The following CPD variants were observed in gnomAD, a reference collection of about 807,000 sequenced individuals.
CPD encodes the protein metallocarboxypeptidase D.
Under a neutral mutation model 138.3 loss-of-function variants are expected in CPD, and 69 were observed. The observed-to-expected ratio is 0.50, with a 90% confidence interval of 0.41 to 0.61. CPD has a LOEUF of 0.61. CPD is among the 20% of genes least tolerant of loss of function. CPD has a pLI of 0.00. For missense variants in CPD, 1,432 were observed against 1,733.3 expected, an observed-to-expected ratio of 0.83 and a Z score of 3.09; for synonymous variants, 651 against 642.1, an observed-to-expected ratio of 1.01 and a Z score of -0.21.
intron 7 of CPD, among the ~76,000 whole-genome samples, chr17:30,430,550 T>A (rs982342449): frequency 1.3e-5 from 2 of 152,240 alleles, no homozygotes; most frequent in African/African-American, 4.8e-5. Context: ...TCCATTTACG[T>A]ACTGATGGAC....
intron 2 of CPD, 149 bp from the exon 3 acceptor site, chr17:30,420,692 T>C: frequency 1.7e-6 from 1 of 600,364 alleles, no homozygotes; most frequent in Non-Finnish European, 2.8e-6. Context: ...GCCTCCACTA[T>C]AGTTCAGATG....
chr17:30,385,541 A>C (rs547842633), intron 2 of CPD, among the ~76,000 whole-genome samples: 1 of 149,958 alleles, frequency 6.7e-6, no homozygotes, highest in East Asian at 2.0e-4. Context: ...CAATCACACA[A>C]TTTTTTTGCC....
chr17:30,378,975 TG>T lies in CPD; in HGVS notation c.-4del, dbSNP rs1910961620. 1 of 1,519,754 alleles carries T rather than the reference TG, an allele frequency of 6.6e-7. No individual in the cohort carries two copies. The highest frequency in any genetic ancestry group is 2.1e-5 in the Admixed American group (1 of 48,556). The allele number at this position is 1,519,754 out of a possible 1,614,324, so 94.1% of individuals were successfully genotyped here. ...GCGGAGCCGGGGTTAGCGGCGCTGC[TG>T]GAAGATGGCGAGCGGCCGGGACGAG... On this transcript the variant is annotated 5_prime_UTR_variant, in exon 1 of 21. Transcript: ENST00000225719.
intron 2 of CPD, among the ~76,000 whole-genome samples, chr17:30,391,694 C>A (rs530725938): frequency 6.6e-5 from 10 of 152,072 alleles, no homozygotes; most frequent in Admixed American, 3.9e-4. Flanking sequence ...GGGTGAGAGA[C>A]AAATTAATGA....
intron 18 of CPD, among the ~76,000 whole-genome samples, chr17:30,461,638 A>G (rs553475710): frequency 2.6e-5 from 4 of 152,346 alleles, no homozygotes; most frequent in African/African-American, 9.6e-5. Context: ...GGCTATGACA[A>G]TATCAGAGTT....
At chr17:30,410,387 GC>G (rs1442284060) in intron 2 of CPD, among the ~76,000 whole-genome samples, 2 of 152,176 alleles carry the variant, frequency 1.3e-5, no homozygotes, top group African/African-American at 4.8e-5. Flanking sequence ...TTGGTGCAGA[GC>G]TGAGTTCAAT....
chr17:30,420,033 T>A (rs1228503021), intron 2 of CPD, among the ~76,000 whole-genome samples: 1 of 152,186 alleles, frequency 6.6e-6, no homozygotes, highest in Non-Finnish European at 1.5e-5. Context: ...CGCTCCTTTC[T>A]CCACTTTTTA....
chr17:30,379,635 A>G lies in CPD; in HGVS notation c.655A>G (p.Ser219Gly). The change falls in exon 1 of 21, where the codon AGC becomes GGC. Residue 219 changes from serine (S) to glycine (G), a missense_variant. By Grantham distance (56) the Ser-to-Gly change is moderately conservative (BLOSUM62 0). Coordinates refer to ENST00000225719, the MANE Select transcript of CPD (RefSeq NM_001304.5). The surrounding 1 kb of genome is among the most constrained non-coding windows in gnomAD (Gnocchi z 7.0). ...DNSRGRDLNR[S>G]FPDQFSTGEP... ...TAGTCGCGGCCGCGACCTCAACCGA[A>G]GCTTTCCCGACCAGTTTAGCACCGG... is the stretch of plus-strand genomic sequence containing the variant. 1 of 1,506,124 alleles carries G rather than the reference A, an allele frequency of 6.6e-7. No homozygotes were observed. The highest frequency in any genetic ancestry group is 1.5e-5 in the African/African-American group (1 of 67,954). The allele number at this position is 1,506,124 out of a possible 1,614,324, so 93.3% of individuals were successfully genotyped here.
At chr17:30,414,569 C>T (rs973306745) in intron 2 of CPD, among the ~76,000 whole-genome samples, 7 of 146,402 alleles carry the variant, frequency 4.8e-5, no homozygotes, top group African/African-American at 1.5e-4. Flanking sequence ...GGTAACAGAG[C>T]GAGACTGTCT....
At position 30,462,079 on chromosome 17, in the gene CPD, G is replaced by T. The variant is rs1444028276; in HGVS notation, c.3816+17G>T. ...CATTCACAGGTAAGAAACTCAAATT[G>T]AGTAGCATCATGTAAATTTTTATTC... On this transcript the variant is annotated intron_variant, in intron 19 of 20. Coordinates refer to ENST00000225719, the MANE Select transcript of CPD (RefSeq NM_001304.5). 6.3e-7 allele frequency: 1 copy of T among 1,582,074 alleles called. No individual in the cohort carries two copies. Among genetic ancestry groups the T allele is most frequent in the East Asian group, 2.2e-5 (1 of 44,646 alleles).
At chr17:30,424,257 C>T (rs1360303200) in intron 6 of CPD, among the ~76,000 whole-genome samples, 1 of 152,150 alleles carries the variant, frequency 6.6e-6, no homozygotes, top group African/African-American at 2.4e-5. Context: ...TTGTAGTTAC[C>T]AAAGTTTGAT....
At chr17:30,402,720 G>A (rs938240204) in intron 2 of CPD, among the ~76,000 whole-genome samples, 1 of 152,110 alleles carries the variant, frequency 6.6e-6, no homozygotes, top group Non-Finnish European at 1.5e-5. Context: ...AGCTTTTACT[G>A]GTTATTTGAA....
chr17:30,468,750 C>G lies in CPD; in HGVS notation c.*3936C>G, dbSNP rs1597742655. 1 of 152,210 alleles carries G rather than the reference C, an allele frequency of 6.6e-6. No individual in the cohort carries two copies. The highest frequency in any genetic ancestry group is 6.6e-5 in the Admixed American group (1 of 15,256). 9.4% of individuals were successfully genotyped at this position (152,210 alleles called of 1,614,324 possible). A position where few individuals can be genotyped will look rare whatever the true frequency, so the allele number is the denominator to read the frequency against. On this transcript the variant is annotated 3_prime_UTR_variant, in exon 21 of 21. Coordinates refer to ENST00000225719, the MANE Select transcript of CPD (RefSeq NM_001304.5). ...CAATATGCCGGAAAAAGTTATAGGT[C>G]CAGTTTGAAAATTATTTAGTTTTTC...
chr17:30,439,394 C>CTTTTT (rs71138889), intron 9 of CPD, among the ~76,000 whole-genome samples: 15 of 124,650 alleles, frequency 1.2e-4, no homozygotes, highest in East Asian at 4.8e-4. Flanking sequence ...ACGTTACTTT[C>CTTTTT]TTTTTTTTTT....
chr17:30,397,499 G>A (rs11080126), intron 2 of CPD, among the ~76,000 whole-genome samples: 78,259 of 151,850 alleles, frequency 0.52, 20,796 homozygotes, highest in East Asian at 0.82. Flanking sequence ...TTGGGAGGCC[G>A]ATGCAGAAGG....
intron 13 of CPD, among the ~76,000 whole-genome samples, chr17:30,451,083 C>T (rs1913154766): frequency 6.6e-6 from 1 of 152,158 alleles, no homozygotes; most frequent in Admixed American, 6.5e-5. Flanking sequence ...ATCCTCAACC[C>T]TGTGATAATG....
chr17:30,461,159 A>T (rs766467409), intron 17 of CPD, 21 bp from the exon 18 acceptor site: 1 of 1,560,186 alleles, frequency 6.4e-7, no homozygotes, highest in African/African-American at 1.4e-5. Flanking sequence ...CCCACATTTG[A>T]TTTTGAACTT....
Position 30,421,002 on chromosome 17 carries a change from A to G in CPD, c.1137+19A>G. 1.2e-6 allele frequency: 2 copies of G among 1,610,770 alleles called. No individual in the cohort carries two copies. Among genetic ancestry groups the G allele is most frequent in the Non-Finnish European group, 1.7e-6 (2 of 1,177,910 alleles). On this transcript the variant is annotated intron_variant, in intron 3 of 20. Transcript: ENST00000225719. The stretch of plus-strand genomic sequence containing the variant: ...TGAAAAGGTAAAAGTAGATGACTGG[A>G]ATGTTGGGGTATAGAAACAGGATTA...
In CPD at chr17:30,426,444, A is replaced by C. The variant is rs142342984; in HGVS notation, c.1850-947A>C. 3.2e-3 allele frequency among the ~76,000 whole-genome samples: 489 copies of C among 152,342 alleles called. 2 individuals carry two copies. Among genetic ancestry groups the C allele is most frequent in the African/African-American group, 0.011 (468 of 41,590 alleles). ...GGGTTGATTGGTTGGGGATGAAATC[A>C]TAGGGATGTGGAAAACAGTCCTTAT... On this transcript the variant is annotated intron_variant, in intron 6 of 20. Transcript: ENST00000225719.
Sources: allele counts gnomAD v4.1 joint callset (sites outside exome capture counted in the v4.1 genomes callset), GRCh38; gene constraint gnomAD v4.1.1; non-coding constraint Gnocchi (gnomAD v3.1); transcripts MANE v1.5; gene names NCBI Gene and HGNC (gene_info 2026-07-23, HGNC 2026-07-21).